NKAIN2: variants seen among roughly 807,000 people sequenced by gnomAD.
NKAIN2 encodes the protein sodium/potassium transporting ATPase interacting 2.
Under a neutral mutation model 32.6 loss-of-function variants are expected in NKAIN2, and 14 were observed. That is an observed-to-expected ratio of 0.43 (90% CI 0.28 to 0.67). NKAIN2 has a LOEUF of 0.67. Among genes scored for constraint, NKAIN2 ranks in the 30% least tolerant of loss-of-function variants. The pLI, the probability that NKAIN2 is intolerant of heterozygous loss-of-function variation, is 0.17. For synonymous variants in NKAIN2, 80 were observed against 87.2 expected (o/e 0.92, Z 0.46); for missense variants, 198 against 258.3 (o/e 0.77, Z 1.60).
chr6:123,813,619 C>G (rs769571515), intron 1 of NKAIN2, among the ~76,000 whole-genome samples: 30 of 152,272 alleles, frequency 2.0e-4, no homozygotes, highest in East Asian at 7.7e-4. Flanking sequence ...CGAGACCAGA[C>G]TGGCCAACAT....
At chr6:124,345,891 G>C (rs1365212827) in intron 2 of NKAIN2, among the ~76,000 whole-genome samples, 1 of 152,068 alleles carries the variant, frequency 6.6e-6, no homozygotes, top group African/African-American at 2.4e-5. Flanking sequence ...GAATGTGTTT[G>C]CTCTTGCTTT....
chr6:124,230,207 C>T (rs1446530980), intron 1 of NKAIN2, among the ~76,000 whole-genome samples: 1 of 152,050 alleles, frequency 6.6e-6, no homozygotes, highest in East Asian at 1.9e-4. Flanking sequence ...AGCATTTTTC[C>T]CCTGCCCTAG....
chr6:124,012,011 C>T (rs1174906173), intron 1 of NKAIN2, among the ~76,000 whole-genome samples: 1 of 152,138 alleles, frequency 6.6e-6, no homozygotes, highest in African/African-American at 2.4e-5. Flanking sequence ...CCTACTCTTC[C>T]TTGCTCTTCA....
chr6:124,778,671 T>A (rs1230309338), intron 4 of NKAIN2, among the ~76,000 whole-genome samples: 1 of 152,014 alleles, frequency 6.6e-6, no homozygotes, highest in African/African-American at 2.4e-5. Flanking sequence ...ACTTTTAAAA[T>A]TTGAGTAGTA....
intron 1 of NKAIN2, among the ~76,000 whole-genome samples, chr6:123,953,154 C>T (rs1777404294): frequency 6.6e-6 from 1 of 152,144 alleles, no homozygotes; most frequent in Non-Finnish European, 1.5e-5. Flanking sequence ...CTGCACCAGT[C>T]CTGTCTGTGA....
intron 3 of NKAIN2, among the ~76,000 whole-genome samples, chr6:124,595,416 G>A (rs1484562312): frequency 1.3e-5 from 2 of 152,114 alleles, no homozygotes; most frequent in Non-Finnish European, 2.9e-5. Flanking sequence ...TGCAGAACCT[G>A]ACTTCTGATG....
intron 4 of NKAIN2, among the ~76,000 whole-genome samples, chr6:124,711,131 TTTTC>T (rs1775428840): frequency 7.0e-6 from 1 of 142,286 alleles, no homozygotes. Context: ...TTGAAAATTC[TTTTC>T]TTTAAGAATG....
intron 1 of NKAIN2, among the ~76,000 whole-genome samples, chr6:123,926,242 A>T (rs889118923): frequency 6.6e-6 from 1 of 152,204 alleles, no homozygotes; most frequent in Non-Finnish European, 1.5e-5. Context: ...CTTCTCAGGT[A>T]TGCTAATGAT....
chr6:124,585,696 A>G (rs1412298836), intron 3 of NKAIN2, among the ~76,000 whole-genome samples: 1 of 152,146 alleles, frequency 6.6e-6, no homozygotes, highest in African/African-American at 2.4e-5. Context: ...GTCCAAAATT[A>G]TTAATCATTA....
intron 2 of NKAIN2, among the ~76,000 whole-genome samples, chr6:124,342,310 G>C (rs1562500222): frequency 1.3e-5 from 2 of 151,032 alleles, no homozygotes; most frequent in African/African-American, 2.4e-5. Context: ...TCAGGAGGCT[G>C]AGGCAGGAGA....
At chr6:124,534,732 T>C (rs987415602) in intron 3 of NKAIN2, among the ~76,000 whole-genome samples, 8 of 152,204 alleles carry the variant, frequency 5.3e-5, no homozygotes, top group African/African-American at 1.9e-4. Flanking sequence ...TCTCTTTTTA[T>C]GGCTAACTCC....
intron 1 of NKAIN2, among the ~76,000 whole-genome samples, chr6:123,851,336 G>T (rs1014146894): frequency 7.8e-6 from 1 of 128,248 alleles, no homozygotes; most frequent in Admixed American, 9.6e-5. Context: ...TACAACCTCC[G>T]CCTCCTAGGT....
In NKAIN2 at chr6:124,427,294, G is replaced by A. The variant is rs757789162; in HGVS notation, c.273+71947G>A. Among the ~76,000 whole-genome samples, 18 of 152,216 alleles carry A rather than the reference G, an allele frequency of 1.2e-4. No homozygotes were observed. In the East Asian group the frequency reaches 1.4e-3, roughly 11 times the overall value. ...AACAAATGAACAGATAAATTGTGAT[G>A]TATCCATACCATTCAATGATATTCA... On this transcript the variant is annotated intron_variant, in intron 3 of 6. Transcript: ENST00000368417.
chr6:123,888,138 C>G (rs571632952), intron 1 of NKAIN2, among the ~76,000 whole-genome samples: 2 of 152,032 alleles, frequency 1.3e-5, no homozygotes, highest in South Asian at 4.1e-4. Flanking sequence ...TAAAAACAAT[C>G]TAGACAAAGA....
chr6:124,410,491 T>C (rs1320500366), intron 3 of NKAIN2, among the ~76,000 whole-genome samples: 1 of 152,196 alleles, frequency 6.6e-6, no homozygotes, highest in Non-Finnish European at 1.5e-5. Flanking sequence ...TTAGTTTCCA[T>C]GTAGTTGAGC....
chr6:124,342,642 G>T, intron 2 of NKAIN2, among the ~76,000 whole-genome samples: 1 of 151,520 alleles, frequency 6.6e-6, no homozygotes, highest in African/African-American at 2.4e-5. Context: ...TGAGTAGCTG[G>T]GATTACAGGA....
At chr6:124,799,891 G>A (rs1203125209) in intron 5 of NKAIN2, among the ~76,000 whole-genome samples, 2 of 152,098 alleles carry the variant, frequency 1.3e-5, no homozygotes, top group African/African-American at 2.4e-5. Context: ...TGGGTGTCCT[G>A]GACTAGCTAC....
chr6:124,581,177 C>A (rs1396403087), intron 3 of NKAIN2, among the ~76,000 whole-genome samples: 1 of 152,070 alleles, frequency 6.6e-6, no homozygotes, highest in Non-Finnish European at 1.5e-5. Context: ...CGGTGGCTCA[C>A]GCCTGTAATC....
At chr6:124,453,278 AT>A (rs1263967964) in intron 3 of NKAIN2, among the ~76,000 whole-genome samples, 2 of 143,856 alleles carry the variant, frequency 1.4e-5, no homozygotes, top group African/African-American at 2.7e-5. Context: ...TTCCGGTGCC[AT>A]TTTTTTCCTT....
Sources: gnomAD v4.1 joint callset for allele counts (sites outside exome capture counted in the v4.1 genomes callset) on GRCh38, gnomAD v4.1.1 for gene constraint, MANE v1.5 for transcripts, NCBI Gene and HGNC (gene_info 2026-07-23, HGNC 2026-07-21) for gene names.